The following LRP1B variants were observed in gnomAD, a reference collection of about 807,000 sequenced individuals.
LRP1B encodes LDL receptor related protein 1B.
In LRP1B, 217 loss-of-function variants were observed where a neutral mutation model predicts 556.6. The ratio of observed to expected loss-of-function variants is 0.39; its 90% CI spans 0.35 to 0.44. The LOEUF (loss-of-function observed/expected upper bound fraction) is 0.44, where lower values mean the gene tolerates loss of function less well. LRP1B is among the 20% of genes least tolerant of loss of function. The pLI is 1.00. For missense variants in LRP1B, 5,053 were observed against 5,620.8 expected (o/e 0.90, Z 3.23); for synonymous variants, 2,047 against 1,865.8 (o/e 1.10, Z -2.50).
intron 66 of LRP1B, among the ~76,000 whole-genome samples, chr2:140,409,537 T>C (rs1170077242): frequency 6.6e-6 from 1 of 152,026 alleles, no homozygotes; most frequent in Non-Finnish European, 1.5e-5. Flanking sequence ...TCTAAAGAGA[T>C]TCATAATTAA....
At chr2:141,055,802 A>ATGTGTGTGTGTGTGTGTGTGTG (rs10664722) in intron 9 of LRP1B, among the ~76,000 whole-genome samples, 2 of 145,548 alleles carry the variant, frequency 1.4e-5, no homozygotes, top group Admixed American at 1.4e-4. Flanking sequence ...TTACCACAAA[A>ATGTGTGTGTGTGTGTGTGTGTG]TGTGTGTGTG....
chr2:142,096,661 C>T (rs1053174399), intron 1 of LRP1B, among the ~76,000 whole-genome samples: 2 of 151,592 alleles, frequency 1.3e-5, no homozygotes, highest in African/African-American at 2.4e-5. Flanking sequence ...CTCTACATTA[C>T]CTATTCCACA....
At chr2:141,811,513 C>T (rs1304952502) in intron 1 of LRP1B, among the ~76,000 whole-genome samples, 1 of 151,946 alleles carries the variant, frequency 6.6e-6, no homozygotes, top group African/African-American at 2.4e-5. Context: ...TTTCCTTACT[C>T]TCCCTCAACT....
chr2:141,401,242 G>A (rs1690442777), intron 3 of LRP1B, among the ~76,000 whole-genome samples: 1 of 151,928 alleles, frequency 6.6e-6, no homozygotes, highest in Non-Finnish European at 1.5e-5. Flanking sequence ...CCTTACAATT[G>A]TTATGTGACT....
intron 35 of LRP1B, among the ~76,000 whole-genome samples, chr2:140,740,523 G>A (rs1688100603): frequency 6.6e-6 from 1 of 152,134 alleles, no homozygotes; most frequent in Non-Finnish European, 1.5e-5. Context: ...GATGGGACAT[G>A]GGCGAGGGAT....
intron 3 of LRP1B, among the ~76,000 whole-genome samples, chr2:141,327,968 T>C (rs1687491242): frequency 6.6e-6 from 1 of 152,172 alleles, no homozygotes; most frequent in Non-Finnish European, 1.5e-5. Context: ...AAAATGTTTA[T>C]TTATATTCAG....
intron 1 of LRP1B, among the ~76,000 whole-genome samples, chr2:142,036,087 G>A (rs1703867870): frequency 6.6e-6 from 1 of 151,592 alleles, no homozygotes; most frequent in South Asian, 2.1e-4. Flanking sequence ...CCCAGTCTTA[G>A]GTATGTCTTA....
chr2:141,066,885 T>C (rs1185388470), intron 7 of LRP1B, among the ~76,000 whole-genome samples: 1 of 151,714 alleles, frequency 6.6e-6, no homozygotes, highest in Non-Finnish European at 1.5e-5. Context: ...GACATAAGAG[T>C]AGGGAGCCAT....
Position 140,457,397 on chromosome 2 carries a change from A to C in LRP1B, c.9814+66T>G, listed in dbSNP as rs1025352638. ...ATAAAATTACATTTAACCTTGAAATAATAAAAAATGGAATGTTACTGAAAG... is the reference window on the plus strand; with the variant it reads ...ATAAAATTACATTTAACCTTGAAATCATAAAAAATGGAATGTTACTGAAAG... On this transcript the variant is annotated intron_variant, in intron 61 of 90. Transcript: ENST00000389484. The C allele has an allele frequency of 4.8e-5, 59 of 1,229,060 alleles. No individual in the cohort carries two copies. In the Admixed American group the frequency reaches 1.2e-3, roughly 24 times the overall value. 76.1% of individuals were successfully genotyped at this position (1,229,060 alleles called of 1,614,324 possible).
chr2:140,700,125 C>T, intron 41 of LRP1B, 125 bp downstream of exon 41: 1 of 860,778 alleles, frequency 1.2e-6, no homozygotes, highest in Non-Finnish European at 1.8e-6. Flanking sequence ...ATGATATAGT[C>T]ACATTCATTC....
intron 1 of LRP1B, among the ~76,000 whole-genome samples, chr2:141,975,710 T>A (rs1701868465): frequency 6.6e-6 from 1 of 152,012 alleles, no homozygotes; most frequent in Admixed American, 6.6e-5. Context: ...TAAACTGTGG[T>A]GAGTCAGGAT....
rs191076811 is a variant in LRP1B at position 141,442,295 on chromosome 2, A to T, written c.343+38101T>A. Among the ~76,000 whole-genome samples, 200 of 152,276 alleles carry T rather than the reference A, an allele frequency of 1.3e-3. 2 individuals carry two copies. The highest frequency in any genetic ancestry group is 2.6e-3 in the Non-Finnish European group (179 of 68,026). ...GAGAAAATAAAAGTTAAGGCTTTTGATATATCTTACTTTTTACAAAAGATT... is the reference window on the plus strand; with the variant it reads ...GAGAAAATAAAAGTTAAGGCTTTTGTTATATCTTACTTTTTACAAAAGATT... On this transcript the variant is annotated intron_variant, in intron 3 of 90. Coordinates refer to ENST00000389484, the MANE Select transcript of LRP1B (RefSeq NM_018557.3).
rs960169654 is a variant in LRP1B at position 141,065,977 on chromosome 2, G to T, written c.1014-3704C>A. On this transcript the variant is annotated intron_variant, in intron 7 of 90. Coordinates refer to ENST00000389484, the MANE Select transcript of LRP1B (RefSeq NM_018557.3). The stretch of plus-strand genomic sequence containing the variant: ...TAATACTTTTTAAAAATCTTTCTTT[G>T]TTCTCACCTGTGTTATCAACTATTT... Among the ~76,000 whole-genome samples, 3 of 151,806 alleles carry T rather than the reference G, an allele frequency of 2.0e-5. No individual in the cohort carries two copies. The South Asian group carries it at 6.2e-4, about 32-fold the overall frequency.
In LRP1B at chr2:140,850,394, A is replaced by G. The variant is rs576340576; in HGVS notation, c.4712-65T>C. On this transcript the variant is annotated intron_variant, in intron 28 of 90. Coordinates refer to ENST00000389484, the MANE Select transcript of LRP1B (RefSeq NM_018557.3). ...GCAAGCTTGAAAGTCTAGAAATTCT[A>G]AAATATTACTTGATTTAATACATGT... is the stretch of plus-strand genomic sequence containing the variant. The G allele has an allele frequency of 1.1e-4, 104 of 915,152 alleles. No individual in the cohort carries two copies. In the African/African-American group the frequency reaches 1.6e-3, roughly 14 times the overall value. 56.7% of individuals were successfully genotyped at this position (915,152 alleles called of 1,614,324 possible).
At chr2:141,121,690 A>T (rs935350106) in intron 7 of LRP1B, among the ~76,000 whole-genome samples, 1 of 152,190 alleles carries the variant, frequency 6.6e-6, no homozygotes, top group Non-Finnish European at 1.5e-5. Context: ...TAATTTATAG[A>T]TTCAATGCCA....
intron 3 of LRP1B, among the ~76,000 whole-genome samples, chr2:141,297,341 C>T (rs969172400): frequency 2.6e-5 from 4 of 152,132 alleles, no homozygotes; most frequent in Non-Finnish European, 5.9e-5. Flanking sequence ...AAAGGGAATG[C>T]CTATGCACTG....
chr2:140,393,247 T>C (rs1430336057), intron 66 of LRP1B, among the ~76,000 whole-genome samples: 1 of 152,094 alleles, frequency 6.6e-6, no homozygotes, highest in Non-Finnish European at 1.5e-5. Flanking sequence ...ATAAAGCCTG[T>C]TGTGTATATA....
intron 3 of LRP1B, among the ~76,000 whole-genome samples, chr2:141,442,385 T>G (rs1288892322): frequency 6.6e-6 from 1 of 151,984 alleles, no homozygotes; most frequent in East Asian, 1.9e-4. Flanking sequence ...AATATACTAC[T>G]GTTTTCTGAA....
chr2:142,072,294 C>T (rs1433850632), intron 1 of LRP1B, among the ~76,000 whole-genome samples: 1 of 151,942 alleles, frequency 6.6e-6, no homozygotes, highest in African/African-American at 2.4e-5. Flanking sequence ...TCATAATGCT[C>T]CAGGGATTCC....
Sources: allele counts gnomAD v4.1 joint callset (sites outside exome capture counted in the v4.1 genomes callset), GRCh38; gene constraint gnomAD v4.1.1; transcripts MANE v1.5; gene names NCBI Gene and HGNC (gene_info 2026-07-23, HGNC 2026-07-21).